The following KMT2C variants were observed in gnomAD, a reference collection of about 807,000 sequenced individuals.
KMT2C encodes histone-lysine N-methyltransferase 2C.
Under a neutral mutation model 507.9 loss-of-function variants are expected in KMT2C, and 88 were observed. That is an observed-to-expected ratio of 0.17 (90% CI 0.15 to 0.21). KMT2C has a LOEUF of 0.21. KMT2C is among the 10% of genes least tolerant of loss of function. KMT2C has a pLI of 1.00. For missense variants in KMT2C, 4,954 were observed against 5,957.8 expected, an observed-to-expected ratio of 0.83 and a Z score of 5.55; for synonymous variants, 2,049 against 2,080.8, an observed-to-expected ratio of 0.98 and a Z score of 0.42.
intron 42 of KMT2C, among the ~76,000 whole-genome samples, chr7:152,164,233 CAAACTT>C (rs1161891335): frequency 6.6e-6 from 1 of 151,802 alleles, no homozygotes. Flanking sequence ...AGACTTAACT[CAAACTT>C]GAACCATTTA....
At chr7:152,303,525 T>G (rs1183561184) in intron 6 of KMT2C, among the ~76,000 whole-genome samples, 1 of 152,220 alleles carries the variant, frequency 6.6e-6, no homozygotes, top group Non-Finnish European at 1.5e-5. Flanking sequence ...TTCCAGATAC[T>G]TTGTTAGGCA....
At chr7:152,333,322 T>G (rs1589253509) in intron 2 of KMT2C, among the ~76,000 whole-genome samples, 1 of 152,304 alleles carries the variant, frequency 6.6e-6, no homozygotes, top group African/African-American at 2.4e-5. Context: ...GATGGGGGTC[T>G]CACTATGTTG....
At chr7:152,348,991 C>T (rs1428956419) in intron 2 of KMT2C, among the ~76,000 whole-genome samples, 1 of 152,160 alleles carries the variant, frequency 6.6e-6, no homozygotes, top group Non-Finnish European at 1.5e-5. Flanking sequence ...CTTACATCCA[C>T]AACAAAAATT....
At chr7:152,326,671 G>C (rs989288234) in intron 3 of KMT2C, among the ~76,000 whole-genome samples, 2 of 152,110 alleles carry the variant, frequency 1.3e-5, no homozygotes, top group Non-Finnish European at 2.9e-5. Flanking sequence ...ACGAGGTCAG[G>C]AGATCGAGAC....
chr7:152,318,618 C>T (rs1032703203), intron 3 of KMT2C, among the ~76,000 whole-genome samples: 1 of 123,984 alleles, frequency 8.1e-6, no homozygotes, highest in Non-Finnish European at 1.6e-5. Context: ...CAGAGCAAGA[C>T]TCCATCTCAA....
intron 2 of KMT2C, among the ~76,000 whole-genome samples, chr7:152,354,109 C>T (rs996039164): frequency 6.6e-6 from 1 of 152,178 alleles, no homozygotes; most frequent in Non-Finnish European, 1.5e-5. Context: ...CTAATATACA[C>T]TTGGCTTTAT....
chr7:152,295,499 T>C (rs2096483087), intron 6 of KMT2C, among the ~76,000 whole-genome samples: 1 of 152,236 alleles, frequency 6.6e-6, no homozygotes, highest in Non-Finnish European at 1.5e-5. Context: ...GTTAATCTAC[T>C]GAAACTTACC....
At chr7:152,432,008 G>C (rs2097866813) in intron 1 of KMT2C, among the ~76,000 whole-genome samples, 2 of 152,172 alleles carry the variant, frequency 1.3e-5, no homozygotes, top group Admixed American at 1.3e-4. Flanking sequence ...TAGCAACCTA[G>C]CCATTTTTGC....
chr7:152,290,290 ATATATTTTTTTTTTTT>A (rs2096402815), intron 6 of KMT2C, among the ~76,000 whole-genome samples: 1 of 32,032 alleles, frequency 3.1e-5, no homozygotes, highest in African/African-American at 1.6e-4. Context: ...ATATATATAT[ATATATTTTTTTTTTTT>A]TTTTTTTTTT....
Position 152,135,294 on chromosome 7 carries a change from A to G in KMT2C, c.*1538T>C, listed in dbSNP as rs928740636. Reference sequence around the variant, plus strand: ...AATTGTGCACACAAAACTTCATTTTATACTTAGCCTGTGAAGTGTCAGTAC... The same window carrying G: ...AATTGTGCACACAAAACTTCATTTTGTACTTAGCCTGTGAAGTGTCAGTAC... On this transcript the variant is annotated 3_prime_UTR_variant, in exon 59 of 59. Transcript: ENST00000262189. The G allele has an allele frequency of 1.4e-5, 3 of 219,580 alleles. No individual in the cohort carries two copies. Among genetic ancestry groups the G allele is most frequent in the African/African-American group, 4.5e-5 (2 of 44,656 alleles). The allele number at this position is 219,580 out of a possible 1,614,324, so 13.6% of individuals were successfully genotyped here.
At position 152,215,688 on chromosome 7, in the gene KMT2C, T is replaced by TATATATATATATATATATATACAC. The variant is rs766518165; in HGVS notation, c.3712+4834_3712+4835insGTGTATATATATATATATATATAT. Reference sequence around the variant, plus strand: ...ACAAAAGGAACAAAATATATATATATACACACACACATACACACACAAAAT... The same window carrying TATATATATATATATATATATACAC: ...ACAAAAGGAACAAAATATATATATATATATATATATATATATATATACACACACACACACATACACACACAAAAT... On this transcript the variant is annotated intron_variant, in intron 23 of 58. Coordinates refer to ENST00000262189, the MANE Select transcript of KMT2C (RefSeq NM_170606.3). Among the ~76,000 whole-genome samples, 58 of 134,476 alleles carry TATATATATATATATATATATACAC rather than the reference T, an allele frequency of 4.3e-4. 2 individuals are homozygous for TATATATATATATATATATATACAC. Among genetic ancestry groups the TATATATATATATATATATATACAC allele is most frequent in the African/African-American group, 1.7e-3 (50 of 29,648 alleles). 88.2% of individuals were successfully genotyped at this position (134,476 alleles called of 152,430 possible). A position where few individuals can be genotyped will look rare whatever the true frequency, so the allele number is the denominator to read the frequency against.
At chr7:152,305,968 G>A (rs1262944707) in intron 6 of KMT2C, among the ~76,000 whole-genome samples, 1 of 152,130 alleles carries the variant, frequency 6.6e-6, no homozygotes, top group Non-Finnish European at 1.5e-5. Flanking sequence ...TGCCCTCTCA[G>A]GGGATAGAGG....
chr7:152,216,681 C>T (rs1563436134), intron 23 of KMT2C, among the ~76,000 whole-genome samples: 1 of 152,132 alleles, frequency 6.6e-6, no homozygotes, highest in Admixed American at 6.6e-5. Flanking sequence ...AAGAAAAAGA[C>T]ATGGAAACAT....
chr7:152,152,271 T>G (rs1340848956), intron 49 of KMT2C, among the ~76,000 whole-genome samples: 1 of 152,142 alleles, frequency 6.6e-6, no homozygotes, highest in Non-Finnish European at 1.5e-5. Context: ...AGAAGGGCCC[T>G]ATAGAGCTGG....
At position 152,136,259 on chromosome 7, in the gene KMT2C, G is replaced by C; in HGVS notation, c.*573C>G. On this transcript the variant is annotated 3_prime_UTR_variant, in exon 59 of 59. Coordinates refer to ENST00000262189, the MANE Select transcript of KMT2C (RefSeq NM_170606.3). Reference sequence around the variant, plus strand: ...AAGTATTTAAATGTATTTAGTGCAAGTTATTATCCCTTAGCTCTATCCCTA... The same window carrying C: ...AAGTATTTAAATGTATTTAGTGCAACTTATTATCCCTTAGCTCTATCCCTA... 1 of 214,616 alleles carries C rather than the reference G, an allele frequency of 4.7e-6. No individual in the cohort carries two copies. Among genetic ancestry groups the C allele is most frequent in the Non-Finnish European group, 9.4e-6 (1 of 106,098 alleles). The allele number at this position is 214,616 out of a possible 1,614,324, so 13.3% of individuals were successfully genotyped here. A position where few individuals can be genotyped will look rare whatever the true frequency, so the allele number is the denominator to read the frequency against.
intron 46 of KMT2C, 50 bp downstream of exon 46, chr7:152,155,860 T>C (rs1028688176): frequency 6.5e-7 from 1 of 1,534,398 alleles, no homozygotes; most frequent in East Asian, 2.3e-5. Context: ...ATTTATTTTT[T>C]TTAAAAGAAG....
intron 55 of KMT2C, among the ~76,000 whole-genome samples, chr7:152,140,878 A>G (rs2090456638): frequency 6.6e-6 from 1 of 152,240 alleles, no homozygotes; most frequent in Non-Finnish European, 1.5e-5. Flanking sequence ...GAACCAGAAC[A>G]CACAAAAAGT....
chr7:152,337,856 ATTTT>A (rs550943327), intron 2 of KMT2C, among the ~76,000 whole-genome samples: 3 of 140,696 alleles, frequency 2.1e-5, no homozygotes, highest in Non-Finnish European at 3.1e-5. Context: ...ATACAACTTG[ATTTT>A]TTTTTTTTTT....
chr7:152,349,759 C>G (rs986277619), intron 2 of KMT2C, among the ~76,000 whole-genome samples: 10 of 151,904 alleles, frequency 6.6e-5, no homozygotes, highest in African/African-American at 2.4e-4. Context: ...GAATGTAAAC[C>G]AAGAGTGAAC....
Sources: allele counts gnomAD v4.1 joint callset (sites outside exome capture counted in the v4.1 genomes callset), GRCh38; gene constraint gnomAD v4.1.1; transcripts MANE v1.5; gene names NCBI Gene and HGNC (gene_info 2026-07-23, HGNC 2026-07-21).